The following CDK19 variants were observed in gnomAD, a reference collection of about 807,000 sequenced individuals.
CDK19 encodes cyclin dependent kinase 19, also known as cyclin-dependent kinase 19.
A neutral mutation model predicts 68.3 loss-of-function variants in CDK19; 20 were observed. The ratio of observed to expected loss-of-function variants is 0.29; its 90% CI spans 0.21 to 0.43. The LOEUF is 0.43. CDK19 is among the 20% of genes least tolerant of loss of function. CDK19 has a pLI of 1.00. For synonymous variants in CDK19, 221 were observed against 222.8 expected (o/e 0.99, Z 0.07); for missense variants, 339 against 623.5 (o/e 0.54, Z 4.86).
At position 110,611,170 on chromosome 6, in the gene CDK19, G is replaced by C. The variant is rs1028190291; in HGVS notation, c.*3365C>G. On this transcript the variant is annotated 3_prime_UTR_variant, in exon 13 of 13. Coordinates refer to ENST00000368911, the MANE Select transcript of CDK19 (RefSeq NM_015076.5). Reference sequence around the variant, plus strand: ...TGCTGCCAAAGCTACCTTACCTTGAGCTCATCTGTCCTGCAACACTTGAAT... The same window carrying C: ...TGCTGCCAAAGCTACCTTACCTTGACCTCATCTGTCCTGCAACACTTGAAT... The C allele has an allele frequency of 1.8e-4, 28 of 152,306 alleles. No individual in the cohort carries two copies. Among genetic ancestry groups the C allele is most frequent in the African/African-American group, 6.5e-4 (27 of 41,550 alleles). The allele number at this position is 152,306 out of a possible 1,614,324, so 9.4% of individuals were successfully genotyped here.
chr6:110,692,309 A>C (rs1003862507), intron 2 of CDK19, among the ~76,000 whole-genome samples: 2 of 151,914 alleles, frequency 1.3e-5, no homozygotes, highest in African/African-American at 4.8e-5. Context: ...AAAAAAAAGA[A>C]AGAAAGACAC....
At chr6:110,643,094 G>C (rs1346040051) in intron 4 of CDK19, 1 of 762,466 alleles carries the variant, frequency 1.3e-6, no homozygotes, top group Non-Finnish European at 1.8e-6. Context: ...AGCTGAGCCT[G>C]CTACCCCACA....
At position 110,815,252 on chromosome 6, in the gene CDK19, C is replaced by CGT; in HGVS notation, c.-117_-116insAC. 8.4e-7 allele frequency: 1 copy of CGT among 1,186,718 alleles called. No homozygotes were observed. Among genetic ancestry groups the CGT allele is most frequent in the Non-Finnish European group, 1.1e-6 (1 of 932,496 alleles). 73.5% of individuals were successfully genotyped at this position (1,186,718 alleles called of 1,614,324 possible). ...CCAACAGCCGCCTCTCGCGCGCGCG[C>CGT]GCGCGCCGCCCGCCGCCCGCCGCTC... On this transcript the variant is annotated 5_prime_UTR_variant, in exon 1 of 13. Transcript: ENST00000368911.
At chr6:110,739,062 C>T (rs1272997864) in intron 2 of CDK19, among the ~76,000 whole-genome samples, 1 of 152,164 alleles carries the variant, frequency 6.6e-6, no homozygotes, top group African/African-American at 2.4e-5. Flanking sequence ...CAACCCAAGC[C>T]AGACTGCTGC....
At chr6:110,652,067 C>A (rs1460222372) in intron 4 of CDK19, among the ~76,000 whole-genome samples, 4 of 151,486 alleles carry the variant, frequency 2.6e-5, no homozygotes, top group African/African-American at 9.7e-5. Flanking sequence ...GAGCAAGATC[C>A]TGTCTCAAAA....
At chr6:110,739,272 T>C (rs1777472616) in intron 2 of CDK19, among the ~76,000 whole-genome samples, 1 of 152,144 alleles carries the variant, frequency 6.6e-6, no homozygotes, top group African/African-American at 2.4e-5. Context: ...AGTTCCCTTA[T>C]GTAAGAGAGC....
At chr6:110,680,393 T>A (rs773752653) in intron 2 of CDK19, among the ~76,000 whole-genome samples, 1 of 152,144 alleles carries the variant, frequency 6.6e-6, no homozygotes, top group Non-Finnish European at 1.5e-5. Flanking sequence ...GGAACACAAG[T>A]GAAGCAGATA....
At chr6:110,633,572 G>T (rs1442886691) in intron 5 of CDK19, among the ~76,000 whole-genome samples, 2 of 152,066 alleles carry the variant, frequency 1.3e-5, no homozygotes, top group Non-Finnish European at 2.9e-5. Flanking sequence ...TTTAACAAAG[G>T]TCTAAACCAA....
chr6:110,774,155 C>G (rs921457012), intron 1 of CDK19, among the ~76,000 whole-genome samples: 3 of 152,058 alleles, frequency 2.0e-5, no homozygotes, highest in Non-Finnish European at 4.4e-5. Context: ...AAAGTTGAGC[C>G]TTAACTAATT....
intron 2 of CDK19, among the ~76,000 whole-genome samples, chr6:110,740,528 T>C (rs150336627): frequency 4.6e-5 from 7 of 152,338 alleles, no homozygotes; most frequent in African/African-American, 9.6e-5. Context: ...GACGAGGTAA[T>C]AACACATTTC....
rs192475311 is a variant in CDK19 at position 110,719,127 on chromosome 6, G to A, written c.204+26999C>T. Among the ~76,000 whole-genome samples the A allele has an allele frequency of 3.8e-4, 58 of 152,236 alleles. No individual in the cohort carries two copies. The East Asian group carries it at 6.6e-3, about 17-fold the overall frequency. On this transcript the variant is annotated intron_variant, in intron 2 of 12. Coordinates refer to ENST00000368911, the MANE Select transcript of CDK19 (RefSeq NM_015076.5). ...AAGAAATAAGAAAAATTCAATTAAT[G>A]TTACACAAGTCAGAAAAGAAGGTGG...
chr6:110,690,031 G>A (rs899745696), intron 2 of CDK19, among the ~76,000 whole-genome samples: 2 of 151,268 alleles, frequency 1.3e-5, no homozygotes, highest in African/African-American at 2.4e-5. Flanking sequence ...TGGGCTCAGT[G>A]GGGAAAGTCT....
intron 3 of CDK19, among the ~76,000 whole-genome samples, chr6:110,667,812 CATTA>C (rs1782037614): frequency 6.6e-6 from 1 of 151,972 alleles, no homozygotes; most frequent in Non-Finnish European, 1.5e-5. Context: ...TTAAGATTTT[CATTA>C]AATAGGACCA....
At chr6:110,734,534 T>TCC (rs1562244046) in intron 2 of CDK19, among the ~76,000 whole-genome samples, 1 of 147,442 alleles carries the variant, frequency 6.8e-6, no homozygotes, top group African/African-American at 2.5e-5. Flanking sequence ...TCTCTCTCTC[T>TCC]CTCTCTCTCT....
At chr6:110,631,021 T>C (rs80070795) in intron 6 of CDK19, among the ~76,000 whole-genome samples, 2,833 of 152,310 alleles carry the variant, frequency 0.019, 34 homozygotes, top group Non-Finnish European at 0.031. Context: ...AGAGTTTCCT[T>C]TGTAGCTCTT....
Position 110,814,885 on chromosome 6 carries a change from C to G in CDK19, c.128+124G>C, listed in dbSNP as rs1181218367. Reference sequence around the variant, plus strand: ...CCTCGGAGTCGGTGTCCGGACGCAACCCCGCGACCCCCTCCGCCTCGCCCC... The same window carrying G: ...CCTCGGAGTCGGTGTCCGGACGCAAGCCCGCGACCCCCTCCGCCTCGCCCC... On this transcript the variant is annotated intron_variant, in intron 1 of 12. Coordinates refer to ENST00000368911, the MANE Select transcript of CDK19 (RefSeq NM_015076.5). 2.2e-6 allele frequency: 3 copies of G among 1,338,744 alleles called. 1 individual carries two copies. The East Asian group carries it at 8.0e-5, about 36-fold the overall frequency. 82.9% of individuals were successfully genotyped at this position (1,338,744 alleles called of 1,614,324 possible). A position where few individuals can be genotyped will look rare whatever the true frequency, so the allele number is the denominator to read the frequency against.
chr6:110,716,365 A>T (rs1775394121), intron 2 of CDK19, among the ~76,000 whole-genome samples: 1 of 152,150 alleles, frequency 6.6e-6, no homozygotes, highest in Admixed American at 6.5e-5. Context: ...TAAAAGTATT[A>T]ATCACTGGAC....
In CDK19 at chr6:110,814,825, G is replaced by A. The variant is rs557058075; in HGVS notation, c.128+184C>T. ...GCCGCGGGAGTTCGAGGTACGCGACGGGGCCGCGCGGGGGAGGCGGGCGGA... is the reference window on the plus strand; with the variant it reads ...GCCGCGGGAGTTCGAGGTACGCGACAGGGCCGCGCGGGGGAGGCGGGCGGA... On this transcript the variant is annotated intron_variant, in intron 1 of 12. Coordinates refer to ENST00000368911, the MANE Select transcript of CDK19 (RefSeq NM_015076.5). 3 of 783,380 alleles carry A rather than the reference G, an allele frequency of 3.8e-6. No individual in the cohort carries two copies. In the South Asian group the frequency reaches 4.6e-5, roughly 12 times the overall value. 48.5% of individuals were successfully genotyped at this position (783,380 alleles called of 1,614,324 possible).
At chr6:110,742,295 C>T (rs923618923) in intron 2 of CDK19, among the ~76,000 whole-genome samples, 4 of 152,152 alleles carry the variant, frequency 2.6e-5, no homozygotes, top group African/African-American at 9.7e-5. Context: ...CCAAATAATA[C>T]TCTTATAATT....
Sources: gnomAD v4.1 joint callset for allele counts (sites outside exome capture counted in the v4.1 genomes callset) on GRCh38, gnomAD v4.1.1 for gene constraint, MANE v1.5 for transcripts, NCBI Gene and HGNC (gene_info 2026-07-23, HGNC 2026-07-21) for gene names.